The following INO80 variants were observed in gnomAD, a reference collection of about 807,000 sequenced individuals.
INO80 encodes the protein chromatin-remodeling ATPase INO80.
INO80 carries 20 observed loss-of-function variants against 203.4 expected under a neutral mutation model. That is an observed-to-expected ratio of 0.10 (90% confidence interval 0.07 to 0.14). The LOEUF (loss-of-function observed/expected upper bound fraction) is 0.14. INO80 is among the 10% of genes least tolerant of loss of function. INO80 has a pLI of 1.00. For missense variants in INO80, 1,419 were observed against 1,914.4 expected (o/e 0.74, Z 4.83); for synonymous variants, 726 against 685.2 (o/e 1.06, Z -0.93).
At chr15:41,074,946 T>C (rs1159768766) in intron 9 of INO80, among the ~76,000 whole-genome samples, 2 of 152,184 alleles carry the variant, frequency 1.3e-5, no homozygotes, top group Non-Finnish European at 2.9e-5. Context: ...GGTTTCACCA[T>C]GTTGGCCAGG....
intron 27 of INO80, among the ~76,000 whole-genome samples, chr15:41,006,540 A>G (rs1453257293): frequency 6.6e-6 from 1 of 152,210 alleles, no homozygotes; most frequent in Non-Finnish European, 1.5e-5. Context: ...GTTTGTGTTA[A>G]TTAGTTTTCT....
intron 24 of INO80, among the ~76,000 whole-genome samples, chr15:41,029,940 T>C (rs2044434515): frequency 6.6e-6 from 1 of 152,198 alleles, no homozygotes; most frequent in Non-Finnish European, 1.5e-5. Flanking sequence ...TAAGTAGTAG[T>C]TCAGGGCTGC....
chr15:41,041,504 G>C (rs530417164), intron 24 of INO80, among the ~76,000 whole-genome samples: 1 of 150,742 alleles, frequency 6.6e-6, no homozygotes, highest in African/African-American at 2.4e-5. Flanking sequence ...GTAATGGCGC[G>C]ATCTTGGCTC....
At chr15:41,066,264 C>T (rs912995983) in intron 14 of INO80, among the ~76,000 whole-genome samples, 5 of 152,070 alleles carry the variant, frequency 3.3e-5, no homozygotes, top group Non-Finnish European at 7.4e-5. Context: ...AGGCGTGAGC[C>T]ACCGCACCCG....
At chr15:41,035,032 C>T (rs552877848) in intron 24 of INO80, among the ~76,000 whole-genome samples, 1 of 152,316 alleles carries the variant, frequency 6.6e-6, no homozygotes, top group South Asian at 2.1e-4. Flanking sequence ...AATGAAACCT[C>T]GTTATTATAC....
chr15:41,059,832 C>T (rs374447088), intron 15 of INO80, 35 bp downstream of exon 15: 102 of 1,356,262 alleles, frequency 7.5e-5, no homozygotes, highest in East Asian at 1.8e-4. Flanking sequence ...ACTGCATGTA[C>T]GGTACGTATG....
intron 24 of INO80, among the ~76,000 whole-genome samples, chr15:41,030,216 G>C (rs2044438151): frequency 6.6e-6 from 1 of 152,136 alleles, no homozygotes; most frequent in African/African-American, 2.4e-5. Flanking sequence ...CTTCTCTTCA[G>C]CACTGTAGTT....
intron 1 of INO80, among the ~76,000 whole-genome samples, chr15:41,111,950 G>A (rs899997821): frequency 5.9e-5 from 9 of 152,150 alleles, no homozygotes; most frequent in African/African-American, 1.9e-4. Flanking sequence ...TGTTGCCCAG[G>A]CTGGAGTGCA....
chr15:41,017,307 A>G (rs1026796314), intron 26 of INO80: 2 of 152,230 alleles, frequency 1.3e-5, no homozygotes, highest in African/African-American at 4.8e-5. Context: ...AGACTGGTCC[A>G]TAAACATGCC....
intron 24 of INO80, among the ~76,000 whole-genome samples, chr15:41,032,893 C>G (rs1470266373): frequency 2.0e-5 from 3 of 152,056 alleles, no homozygotes; most frequent in African/African-American, 7.2e-5. Context: ...CAAAAATTAG[C>G]CAGGGGTGGT....
At position 41,058,827 on chromosome 15, in the gene INO80, C is replaced by T. The variant is rs116371493; in HGVS notation, c.1843-46G>A. On this transcript the variant is annotated intron_variant, in intron 15 of 35. Coordinates refer to ENST00000648947, the MANE Select transcript of INO80 (RefSeq NM_017553.3). ...GGGTGAAAAGAGAAACCTAATAATTCATAATAAGGAACTGATGTATGGACT... is the reference window on the plus strand; with the variant it reads ...GGGTGAAAAGAGAAACCTAATAATTTATAATAAGGAACTGATGTATGGACT... The T allele has an allele frequency of 7.3e-5, 115 of 1,574,150 alleles. 1 individual carries two copies. The African/African-American group carries it at 1.4e-3, about 19-fold the overall frequency.
At chr15:41,052,968 G>C in intron 19 of INO80, among the ~76,000 whole-genome samples, 1 of 152,118 alleles carries the variant, frequency 6.6e-6, no homozygotes, top group East Asian at 1.9e-4. Context: ...AGGTGGTCAA[G>C]GCAACAGTAA....
In INO80 at chr15:41,096,241, A is replaced by G; in HGVS notation, c.70T>C (p.Tyr24His). Residue 24 changes from tyrosine (Y) to histidine (H), a missense_variant, in exon 2 of 36, where the codon TAC becomes CAC. This residue lies in a region of INO80 where 323 missense variants were observed against 325.4 expected (regional missense o/e 0.99). Coordinates refer to ENST00000648947, the MANE Select transcript of INO80 (RefSeq NM_017553.3). Reference sequence around the variant, plus strand: ...TCCAACCGGAGGGCCCTCTCCAAGTACTGAAGATAGAGGGGCTTTGCCAGC... The same window carrying G: ...TCCAACCGGAGGGCCCTCTCCAAGTGCTGAAGATAGAGGGGCTTTGCCAGC... ...TELAKPLYLQ[Y>H]LERALRLDHF... 6.2e-7 allele frequency: 1 copy of G among 1,613,244 alleles called. No individual in the cohort carries two copies.
At chr15:40,983,950 G>A (rs1194237988) in intron 33 of INO80, 29 bp from the exon 34 acceptor site, 31 of 1,608,034 alleles carry the variant, frequency 1.9e-5, no homozygotes, top group Non-Finnish European at 2.5e-5. Context: ...AGATCATTAC[G>A]ACCCCCTGTG....
Position 40,980,002 on chromosome 15 carries a change from C to T in INO80, c.*221G>A, listed in dbSNP as rs1447190476. On this transcript the variant is annotated 3_prime_UTR_variant, in exon 36 of 36. Transcript: ENST00000648947. ...CACTTGAGATGCAGTGGGGCTGATCCATGCCCTGTGGCCTTCCTCCTACAG... is the reference window on the plus strand; with the variant it reads ...CACTTGAGATGCAGTGGGGCTGATCTATGCCCTGTGGCCTTCCTCCTACAG... 6.9e-6 allele frequency: 4 copies of T among 579,874 alleles called. No homozygotes were observed. The African/African-American group carries it at 7.5e-5, about 11-fold the overall frequency. The allele number at this position is 579,874 out of a possible 1,614,324, so 35.9% of individuals were successfully genotyped here.
At chr15:41,066,994 G>A (rs573085862) in intron 14 of INO80, among the ~76,000 whole-genome samples, 3 of 152,270 alleles carry the variant, frequency 2.0e-5, no homozygotes, top group African/African-American at 7.2e-5. Context: ...AATGACATTA[G>A]TAATATCACA....
At chr15:41,016,801 T>C (rs2044217212) in intron 26 of INO80, 1 of 152,392 alleles carries the variant, frequency 6.6e-6, no homozygotes, top group Admixed American at 6.5e-5. Flanking sequence ...CAAGTGATCC[T>C]CCCATCTCAG....
chr15:41,011,296 A>G (rs1337293747), intron 27 of INO80, among the ~76,000 whole-genome samples: 1 of 152,174 alleles, frequency 6.6e-6, no homozygotes, highest in African/African-American at 2.4e-5. Flanking sequence ...CCTTCTTGCT[A>G]TCCTCAGCTC....
chr15:41,073,149 G>GA (rs1249015766), intron 11 of INO80, among the ~76,000 whole-genome samples: 9 of 149,946 alleles, frequency 6.0e-5, no homozygotes, highest in African/African-American at 2.0e-4. Context: ...TCAAGAGAAA[G>GA]AAAAAAAAAT....
Sources: gnomAD v4.1 joint callset for allele counts (sites outside exome capture counted in the v4.1 genomes callset) on GRCh38, gnomAD v4.1.1 for gene constraint, gnomAD v4.1.1 regional missense constraint, MANE v1.5 for transcripts, NCBI Gene and HGNC (gene_info 2026-07-23, HGNC 2026-07-21) for gene names.